NUP85: variants seen among roughly 807,000 people sequenced by gnomAD.
NUP85 encodes the protein nuclear pore complex protein Nup85.
NUP85 carries 23 observed loss-of-function variants against 92.8 expected under a neutral mutation model. That is an observed-to-expected ratio of 0.25 (90% CI 0.18 to 0.35). The LOEUF is 0.35. NUP85 is among the 10% of genes least tolerant of loss of function. The pLI is 1.00. For synonymous variants in NUP85, 314 were observed against 306.9 expected, an observed-to-expected ratio of 1.02 and a Z score of -0.24; for missense variants, 759 against 822.8, an observed-to-expected ratio of 0.92 and a Z score of 0.95.
At chr17:75,233,452 T>TG (rs2076178250) in intron 16 of NUP85, among the ~76,000 whole-genome samples, 1 of 146,476 alleles carries the variant, frequency 6.8e-6, no homozygotes, top group Non-Finnish European at 1.5e-5. Context: ...TTTTTTTTTT[T>TG]GAGACAGAAT....
intron 7 of NUP85, among the ~76,000 whole-genome samples, chr17:75,221,695 A>T (rs1312324896): frequency 6.6e-6 from 1 of 152,172 alleles, no homozygotes; most frequent in African/African-American, 2.4e-5. Context: ...TGCACAGTAA[A>T]AGCTAGTCTT....
intron 7 of NUP85, among the ~76,000 whole-genome samples, chr17:75,219,386 C>G (rs1047242210): frequency 6.6e-6 from 1 of 151,774 alleles, no homozygotes; most frequent in Non-Finnish European, 1.5e-5. Context: ...AAGCAATCCT[C>G]CCACCTCAGC....
chr17:75,230,377 T>TTTTTGACG (rs2076004388), intron 11 of NUP85, among the ~76,000 whole-genome samples: 1 of 148,716 alleles, frequency 6.7e-6, no homozygotes, highest in Non-Finnish European at 1.5e-5. Flanking sequence ...TTTTTTTTTT[T>TTTTTGACG]GAGATGGAGT....
intron 1 of NUP85, 27 bp downstream of exon 1, chr17:75,205,821 C>A: frequency 6.2e-7 from 1 of 1,613,576 alleles, no homozygotes; most frequent in Non-Finnish European, 8.5e-7. Flanking sequence ...CAGGCTTGCT[C>A]GTCCTTGCGG....
intron 11 of NUP85, chr17:75,228,644 CTCTT>C: frequency 5.1e-6 from 5 of 985,396 alleles, no homozygotes; most frequent in Non-Finnish European, 4.8e-6. Context: ...GGAAGTGTGT[CTCTT>C]TCTGGACTTG....
intron 16 of NUP85, 40 bp downstream of exon 16, chr17:75,233,198 G>T: frequency 6.4e-7 from 1 of 1,555,250 alleles, no homozygotes; most frequent in Non-Finnish European, 8.9e-7. Context: ...TTGGGCACAA[G>T]TGGGTAGTTG....
chr17:75,211,881 C>T (rs1295932395), intron 3 of NUP85, 111 bp from the exon 4 acceptor site: 12 of 809,524 alleles, frequency 1.5e-5, no homozygotes, highest in Admixed American at 4.4e-5. Flanking sequence ...TCCTTCACAA[C>T]GGCTCTCCTC....
At chr17:75,229,489 T>C (rs1306043830) in intron 11 of NUP85, among the ~76,000 whole-genome samples, 4 of 152,182 alleles carry the variant, frequency 2.6e-5, no homozygotes, top group Admixed American at 6.5e-5. Context: ...AGCTGATAAT[T>C]AGGCCTTTCT....
At chr17:75,224,769 T>C (rs1598306505) in intron 7 of NUP85, among the ~76,000 whole-genome samples, 1 of 149,024 alleles carries the variant, frequency 6.7e-6, no homozygotes, top group Non-Finnish European at 1.5e-5. Context: ...GAAGTGGAGG[T>C]TGCAGTGAGC....
intron 7 of NUP85, among the ~76,000 whole-genome samples, chr17:75,221,409 G>T (rs1372083536): frequency 6.6e-6 from 1 of 152,070 alleles, no homozygotes; most frequent in Non-Finnish European, 1.5e-5. Flanking sequence ...AAAGTGCTGG[G>T]ATTACAGGCT....
chr17:75,219,661 G>T (rs1366976269), intron 7 of NUP85, among the ~76,000 whole-genome samples: 6 of 152,306 alleles, frequency 3.9e-5, no homozygotes, highest in Admixed American at 3.9e-4. Context: ...CTGCCTTTAT[G>T]GAGTTTATAT....
intron 7 of NUP85, among the ~76,000 whole-genome samples, chr17:75,218,801 C>T (rs1376446874): frequency 2.6e-5 from 4 of 152,034 alleles, no homozygotes; most frequent in Non-Finnish European, 4.4e-5. Context: ...GTTCCCCAGG[C>T]TGTTGTGCAG....
At chr17:75,207,770 G>A (rs774879352) in intron 1 of NUP85, among the ~76,000 whole-genome samples, 1 of 151,888 alleles carries the variant, frequency 6.6e-6, no homozygotes, top group Non-Finnish European at 1.5e-5. Flanking sequence ...GAGCCACCGC[G>A]CTTGGCTAGG....
At position 75,212,073 on chromosome 17, in the gene NUP85, T is replaced by C. The variant is rs2075275289; in HGVS notation, c.361+11T>C. The C allele has an allele frequency of 6.4e-7, 1 of 1,564,318 alleles. No individual in the cohort carries two copies. The highest frequency in any genetic ancestry group is 8.6e-7 in the Non-Finnish European group (1 of 1,159,030). ...TGCACCAGGTTGCAAGTAAGGACTGTGTGCGCGTGCGCGCGTGTGTGTGTG... is the reference window on the plus strand; with the variant it reads ...TGCACCAGGTTGCAAGTAAGGACTGCGTGCGCGTGCGCGCGTGTGTGTGTG... On this transcript the variant is annotated intron_variant, in intron 4 of 18. Coordinates refer to ENST00000245544, the MANE Select transcript of NUP85 (RefSeq NM_024844.5).
At position 75,232,975 on chromosome 17, in the gene NUP85, G is replaced by A. The variant is rs1238409422; in HGVS notation, c.1514+7G>A. On this transcript the variant is annotated splice_region_variant and intron_variant, in intron 15 of 18. Transcript: ENST00000245544. Reference sequence around the variant, plus strand: ...CCACGCTCGTGTCAGACAGGTGGGTGCCGCTAGTGTTGGCTTCCCAGGGAC... The same window carrying A: ...CCACGCTCGTGTCAGACAGGTGGGTACCGCTAGTGTTGGCTTCCCAGGGAC... The A allele has an allele frequency of 1.9e-6, 3 of 1,613,638 alleles. No homozygotes were observed. The highest frequency in any genetic ancestry group is 2.7e-5 in the African/African-American group (2 of 74,926).
At chr17:75,211,348 TG>T (rs1465338662) in intron 3 of NUP85, among the ~76,000 whole-genome samples, 1 of 151,880 alleles carries the variant, frequency 6.6e-6, no homozygotes, top group African/African-American at 2.4e-5. Context: ...TTGGTGAGTT[TG>T]AGAAATCTAT....
intron 2 of NUP85, 140 bp downstream of exon 2, chr17:75,208,760 A>G: frequency 4.5e-6 from 3 of 673,706 alleles, no homozygotes; most frequent in Non-Finnish European, 5.3e-6. Flanking sequence ...TTTGTTTTCA[A>G]GATACAACAG....
At chr17:75,226,249 C>T (rs2075790900) in intron 11 of NUP85, 92 bp downstream of exon 11, 2 of 940,222 alleles carry the variant, frequency 2.1e-6, no homozygotes, top group Admixed American at 1.9e-5. Flanking sequence ...CTTCCTTACC[C>T]TTCTTCCCTC....
chr17:75,215,804 T>A lies in NUP85; in HGVS notation c.456T>A (p.Leu152=). Residue 152 remains leucine, a synonymous_variant, in exon 6 of 19, where the codon CTT becomes CTA. Coordinates refer to ENST00000245544, the MANE Select transcript of NUP85 (RefSeq NM_024844.5). ...TCATCTGGAACCTGTGTGAGATTCTTTTTATTGAAGTGGCCCCAGGTAGGC... is the reference window on the plus strand; with the variant it reads ...TCATCTGGAACCTGTGTGAGATTCTATTTATTGAAGTGGCCCCAGGTAGGC... ...MELIWNLCEI[L]FIEVAPAGPL... The A allele has an allele frequency of 6.2e-7, 1 of 1,614,024 alleles. No homozygotes were observed. The highest frequency in any genetic ancestry group is 8.5e-7 in the Non-Finnish European group (1 of 1,179,848).
Sources: allele counts gnomAD v4.1 joint callset (sites outside exome capture counted in the v4.1 genomes callset), GRCh38; gene constraint gnomAD v4.1.1; transcripts MANE v1.5; gene names NCBI Gene and HGNC (gene_info 2026-07-23, HGNC 2026-07-21).